FLT1: variants seen among roughly 807,000 people sequenced by gnomAD.
FLT1 encodes the protein vascular endothelial growth factor receptor 1.
A neutral mutation model predicts 156.3 loss-of-function variants in FLT1; 49 were observed. The observed-to-expected ratio is 0.31, with a 90% confidence interval of 0.25 to 0.40. The LOEUF (loss-of-function observed/expected upper bound fraction) is 0.40, where lower values mean the gene tolerates loss of function less well. Ranked by LOEUF, FLT1 falls within the 10% of genes least tolerant of loss-of-function variation. The probability of loss-of-function intolerance (pLI) is 1.00; values close to 1 mark genes in which losing one functional copy is unlikely to be tolerated. For missense variants in FLT1, 1,322 were observed against 1,637.2 expected (o/e 0.81, Z 3.32); for synonymous variants, 594 against 583.8 (o/e 1.02, Z -0.25).
At chr13:28,430,340 G>C (rs1446538178) in intron 7 of FLT1, among the ~76,000 whole-genome samples, 173 bp from the exon 8 acceptor site, 1 of 152,178 alleles carries the variant, frequency 6.6e-6, no homozygotes, top group African/African-American at 2.4e-5. Context: ...TAAAAGCACT[G>C]TAATTGGTGA....
chr13:28,357,684 T>A lies in FLT1; in HGVS notation c.2118A>T (p.Gly706=), dbSNP rs962967018. 1 of 1,613,408 alleles carries A rather than the reference T, an allele frequency of 6.2e-7. No individual in the cohort carries two copies. Among genetic ancestry groups the A allele is most frequent in the Non-Finnish European group, 8.5e-7 (1 of 1,179,592 alleles). Residue 706 remains glycine, a splice_region_variant and synonymous_variant, in exon 15 of 30, where the codon GGA becomes GGT. Coordinates refer to ENST00000282397, the MANE Select transcript of FLT1 (RefSeq NM_002019.4). ...KNNHKIQQEP[G]IILGPGSSTL... ...TGCTGCTTCCTGGTCCTAAAATAATTCCTGAGGGGTGAGAGATGTTTAGAT... is the reference window on the plus strand; with the variant it reads ...TGCTGCTTCCTGGTCCTAAAATAATACCTGAGGGGTGAGAGATGTTTAGAT...
intron 12 of FLT1, among the ~76,000 whole-genome samples, chr13:28,391,585 C>T (rs1365749389): frequency 2.0e-5 from 3 of 152,236 alleles, no homozygotes; most frequent in Non-Finnish European, 2.9e-5. Context: ...TAAAACCAAG[C>T]TGTACCTCAA....
At position 28,322,580 on chromosome 13, in the gene FLT1, A is replaced by G. The variant is rs1172252660; in HGVS notation, c.2953+210T>C. On this transcript the variant is annotated intron_variant, in intron 21 of 29. Transcript: ENST00000282397. The surrounding 1 kb of genome is among the most constrained non-coding windows in gnomAD (Gnocchi z 4.3). Reference sequence around the variant, plus strand: ...GCAGGGGGATGATCCATTAAGATGAAAATCCCTGAGGGGAGAAAACGGTAC... The same window carrying G: ...GCAGGGGGATGATCCATTAAGATGAGAATCCCTGAGGGGAGAAAACGGTAC... 2 of 728,134 alleles carry G rather than the reference A, an allele frequency of 2.7e-6. No homozygotes were observed. Among genetic ancestry groups the G allele is most frequent in the African/African-American group, 1.7e-5 (1 of 57,422 alleles). The allele number at this position is 728,134 out of a possible 1,614,324, so 45.1% of individuals were successfully genotyped here. A position where few individuals can be genotyped will look rare whatever the true frequency, so the allele number is the denominator to read the frequency against.
intron 3 of FLT1, among the ~76,000 whole-genome samples, chr13:28,462,774 C>T (rs993539541): frequency 2.0e-5 from 3 of 152,164 alleles, no homozygotes; most frequent in Non-Finnish European, 4.4e-5. Flanking sequence ...CCAAGGCCAA[C>T]GAATCCCCCA....
chr13:28,347,997 C>T lies in FLT1; in HGVS notation c.2249-2446G>A, dbSNP rs1428418408. ...TCCTCTCTGATCCTTCCAGCCTTTA[C>T]AAGCGCAGATTAATCACTTCCTATT... On this transcript the variant is annotated intron_variant, in intron 15 of 29. Transcript: ENST00000282397. Among the ~76,000 whole-genome samples the T allele has an allele frequency of 4.6e-5, 7 of 152,194 alleles. No individual in the cohort carries two copies. In the East Asian group the frequency reaches 1.3e-3, roughly 29 times the overall value.
chr13:28,386,792 A>G (rs1874392051), intron 13 of FLT1: 1 of 1,053,076 alleles, frequency 9.5e-7, no homozygotes, highest in Non-Finnish European at 1.1e-6. Flanking sequence ...ACAGTATCAT[A>G]TTATTATTTA....
chr13:28,467,272 CA>C lies in FLT1; in HGVS notation c.162-144del, dbSNP rs1379108742. ...CCTCTTTACGGGAAAGCAACACATTCAGAAAAGCTGTAGAACAATACTCAGA... is the reference window on the plus strand; with the variant it reads ...CCTCTTTACGGGAAAGCAACACATTCGAAAAGCTGTAGAACAATACTCAGA... On this transcript the variant is annotated intron_variant, in intron 2 of 29. Transcript: ENST00000282397. 5 of 752,294 alleles carry C rather than the reference CA, an allele frequency of 6.6e-6. No individual in the cohort carries two copies. In the African/African-American group the frequency reaches 8.6e-5, roughly 13 times the overall value. 46.6% of individuals were successfully genotyped at this position (752,294 alleles called of 1,614,324 possible).
At position 28,334,162 on chromosome 13, in the gene FLT1, C is replaced by T. The variant is rs141619374; in HGVS notation, c.2489-33G>A. The T allele has an allele frequency of 6.5e-4, 915 of 1,405,090 alleles. 7 individuals carry two copies. The African/African-American group carries it at 0.011, about 18-fold the overall frequency. 87.0% of individuals were successfully genotyped at this position (1,405,090 alleles called of 1,614,324 possible). A position where few individuals can be genotyped will look rare whatever the true frequency, so the allele number is the denominator to read the frequency against. Reference sequence around the variant, plus strand: ...GAAGAGAAGACACTGGTTTGTTTGCCGAGGCAATAGGGTGAGTTTAAGTCT... The same window carrying T: ...GAAGAGAAGACACTGGTTTGTTTGCTGAGGCAATAGGGTGAGTTTAAGTCT... On this transcript the variant is annotated intron_variant, in intron 17 of 29. Transcript: ENST00000282397.
rs1279204338 is a variant in FLT1, at chr13:28,372,566, G to GCATATA, written c.2116+12318_2116+12319insTATATG. ...CATATATTCCTCGTTTAAATAAAAT[G>GCATATA]TATATATATATATATATATATATAT... On this transcript the variant is annotated intron_variant, in intron 14 of 29. Coordinates refer to ENST00000282397, the MANE Select transcript of FLT1 (RefSeq NM_002019.4). Among the ~76,000 whole-genome samples, 742 of 91,434 alleles carry GCATATA rather than the reference G, an allele frequency of 8.1e-3. 41 individuals carry two copies. Among genetic ancestry groups the GCATATA allele is most frequent in the Non-Finnish European group, 0.013 (594 of 45,004 alleles). 60.0% of individuals were successfully genotyped at this position (91,434 alleles called of 152,430 possible).
intron 10 of FLT1, among the ~76,000 whole-genome samples, chr13:28,420,269 A>T: frequency 6.6e-6 from 1 of 152,190 alleles, no homozygotes; most frequent in Non-Finnish European, 1.5e-5. Context: ...CCTCCTGTAT[A>T]AGATGGCCAG....
intron 25 of FLT1, among the ~76,000 whole-genome samples, chr13:28,312,346 A>T (rs1208560122): frequency 6.6e-6 from 1 of 152,180 alleles, no homozygotes; most frequent in Non-Finnish European, 1.5e-5. Flanking sequence ...GAGCTCATGG[A>T]TACCCAGGTT....
intron 12 of FLT1, among the ~76,000 whole-genome samples, chr13:28,392,076 T>G (rs1279532162): frequency 6.6e-6 from 1 of 152,244 alleles, no homozygotes; most frequent in East Asian, 1.9e-4. Context: ...TTAGATATCA[T>G]ATCAACTCTT....
intron 1 of FLT1, among the ~76,000 whole-genome samples, chr13:28,488,124 G>A (rs1448907819): frequency 7.2e-5 from 11 of 152,106 alleles, no homozygotes; most frequent in East Asian, 2.0e-4. Context: ...GGGACCAGGC[G>A]CGGTGGCTTA....
At chr13:28,488,327 G>T (rs950982699) in intron 1 of FLT1, among the ~76,000 whole-genome samples, 6 of 152,290 alleles carry the variant, frequency 3.9e-5, no homozygotes, top group East Asian at 1.9e-4. Flanking sequence ...TTGAACCTGG[G>T]AGGTGGAGGT....
At chr13:28,389,397 TCAAA>T in intron 13 of FLT1, 1 of 1,268,664 alleles carries the variant, frequency 7.9e-7, no homozygotes, top group South Asian at 3.5e-5. Context: ...GAGGTTGGCA[TCAAA>T]ATGGAAGGAA....
At chr13:28,366,787 G>C (rs1437384247) in intron 14 of FLT1, among the ~76,000 whole-genome samples, 2 of 152,236 alleles carry the variant, frequency 1.3e-5, no homozygotes, top group East Asian at 3.9e-4. Context: ...ATCTTCTGAT[G>C]CTCTTGGACC....
intron 10 of FLT1, among the ~76,000 whole-genome samples, chr13:28,413,084 A>G (rs1876412204): frequency 6.6e-6 from 1 of 151,806 alleles, no homozygotes; most frequent in South Asian, 2.1e-4. Context: ...CATACTGAAA[A>G]TTACTTCTTG....
At chr13:28,484,214 G>A (rs771838825) in intron 1 of FLT1, among the ~76,000 whole-genome samples, 4 of 152,174 alleles carry the variant, frequency 2.6e-5, no homozygotes, top group Non-Finnish European at 5.9e-5. Context: ...ACACTTCCAG[G>A]TCGTTCTGTG....
At chr13:28,341,222 A>G (rs1593693839) in intron 16 of FLT1, among the ~76,000 whole-genome samples, 1 of 152,220 alleles carries the variant, frequency 6.6e-6, no homozygotes, top group South Asian at 2.1e-4. Context: ...AGGTGAGAGG[A>G]GACACCAAAC....
Sources: allele counts gnomAD v4.1 joint callset (sites outside exome capture counted in the v4.1 genomes callset), GRCh38; gene constraint gnomAD v4.1.1; non-coding constraint Gnocchi (gnomAD v3.1); transcripts MANE v1.5; gene names NCBI Gene and HGNC (gene_info 2026-07-23, HGNC 2026-07-21).